The following CERT1 variants were observed in gnomAD, a reference collection of about 807,000 sequenced individuals.
The protein encoded by CERT1 is ceramide transfer protein.
A neutral mutation model predicts 87.9 loss-of-function variants in CERT1; 31 were observed. The observed-to-expected ratio is 0.35, with a 90% CI of 0.27 to 0.48. The LOEUF (loss-of-function observed/expected upper bound fraction) is 0.48. CERT1 is among the 20% of genes least tolerant of loss of function. The probability of loss-of-function intolerance (pLI) is 0.99; values close to 1 mark genes in which losing one functional copy is unlikely to be tolerated. For synonymous variants in CERT1, 289 were observed against 250.9 expected (o/e 1.15, Z -1.44); for missense variants, 487 against 758.0 (o/e 0.64, Z 4.20).
chr5:75,454,835 A>G (rs1764910965), intron 3 of CERT1, among the ~76,000 whole-genome samples: 1 of 152,186 alleles, frequency 6.6e-6, no homozygotes, highest in Non-Finnish European at 1.5e-5. Flanking sequence ...TAAAAATCGC[A>G]AGTTTTGAAG....
Position 75,470,094 on chromosome 5 carries a change from C to CA in CERT1, c.232-10914dup, listed in dbSNP as rs886538208. On this transcript the variant is annotated intron_variant, in intron 2 of 16. Transcript: ENST00000643780. ...AACAGATCTGGAGAGAAAGACTACACACAATAATAGTAGGGAAATTCAACA... is the reference window on the plus strand; with the variant it reads ...AACAGATCTGGAGAGAAAGACTACACAACAATAATAGTAGGGAAATTCAACA... 6.8e-4 allele frequency among the ~76,000 whole-genome samples: 103 copies of CA among 152,190 alleles called. 1 individual carries two copies. Among genetic ancestry groups the CA allele is most frequent in the African/African-American group, 2.4e-3 (100 of 41,542 alleles).
At position 75,407,102 on chromosome 5, in the gene CERT1, T is replaced by A. The variant is rs550146811; in HGVS notation, c.930+3909A>T. ...CCCAGTTTATCTAAAGAATTGTATATTTAATTTAACTTAGTGAGAAAAAAA... is the reference window on the plus strand; with the variant it reads ...CCCAGTTTATCTAAAGAATTGTATAATTAATTTAACTTAGTGAGAAAAAAA... On this transcript the variant is annotated intron_variant, in intron 8 of 16. Transcript: ENST00000643780. Among the ~76,000 whole-genome samples, 100 of 152,288 alleles carry A rather than the reference T, an allele frequency of 6.6e-4. 1 individual carries two copies. The highest frequency in any genetic ancestry group is 2.3e-3 in the African/African-American group (97 of 41,562).
chr5:75,479,891 A>G (rs1177044371), intron 2 of CERT1, among the ~76,000 whole-genome samples: 1 of 152,150 alleles, frequency 6.6e-6, no homozygotes, highest in Non-Finnish European at 1.5e-5. Flanking sequence ...TGGTTGAACT[A>G]ATTTATGCTC....
At chr5:75,447,582 C>G (rs947385905) in intron 3 of CERT1, among the ~76,000 whole-genome samples, 1 of 151,582 alleles carries the variant, frequency 6.6e-6, no homozygotes, top group East Asian at 1.9e-4. Context: ...GCCATTCTCC[C>G]GCCTCAGCCT....
At chr5:75,383,812 C>T (rs1446456093) in intron 14 of CERT1, among the ~76,000 whole-genome samples, 1 of 152,108 alleles carries the variant, frequency 6.6e-6, no homozygotes, top group Admixed American at 6.5e-5. Context: ...TGGTGGATCT[C>T]TCCAAAATTT....
At chr5:75,450,514 TATAGAGA>T (rs1196541081) in intron 3 of CERT1, among the ~76,000 whole-genome samples, 1 of 152,196 alleles carries the variant, frequency 6.6e-6, no homozygotes, top group Non-Finnish European at 1.5e-5. Flanking sequence ...ACTTACTTCC[TATAGAGA>T]ATAGAGAACC....
At chr5:75,457,685 A>G (rs1765044037) in intron 3 of CERT1, among the ~76,000 whole-genome samples, 2 of 152,002 alleles carry the variant, frequency 1.3e-5, no homozygotes, top group African/African-American at 4.8e-5. Context: ...ACCAAGAAAG[A>G]AAAGCTAATA....
chr5:75,381,871 G>T, intron 15 of CERT1, 78 bp downstream of exon 15: 1 of 1,295,426 alleles, frequency 7.7e-7, no homozygotes, highest in Non-Finnish European at 1.1e-6. Flanking sequence ...TGTATGGGCT[G>T]TGTTTATCAT....
intron 1 of CERT1, among the ~76,000 whole-genome samples, chr5:75,506,862 C>T (rs935310882): frequency 3.9e-5 from 6 of 152,226 alleles, no homozygotes; most frequent in African/African-American, 1.2e-4. Flanking sequence ...TTGCTAAAGT[C>T]TTGCTGCAAA....
chr5:75,511,656 T>A, upstream of CERT1: 1 of 1,479,322 alleles, frequency 6.8e-7, no homozygotes, highest in African/African-American at 1.4e-5. Context: ...TCCTTTCCCC[T>A]CCCCTTCGTC....
At chr5:75,498,574 C>T (rs887089593) in intron 2 of CERT1, among the ~76,000 whole-genome samples, 1 of 152,218 alleles carries the variant, frequency 6.6e-6, no homozygotes, top group African/African-American at 2.4e-5. Flanking sequence ...GTGTCAGCCC[C>T]AAGCCTTGGC....
chr5:75,484,332 A>G (rs966764144), intron 2 of CERT1, among the ~76,000 whole-genome samples: 3 of 151,886 alleles, frequency 2.0e-5, no homozygotes, highest in Admixed American at 6.6e-5. Context: ...AAAGAAAGAA[A>G]AAAAAGAAGA....
At chr5:75,427,486 C>T (rs1763668555) in intron 3 of CERT1, among the ~76,000 whole-genome samples, 2 of 152,136 alleles carry the variant, frequency 1.3e-5, no homozygotes, top group South Asian at 4.1e-4. Context: ...GTAATCCCGG[C>T]TACTCAGAAG....
intron 3 of CERT1, among the ~76,000 whole-genome samples, chr5:75,428,360 G>A (rs78407358): frequency 0.079 from 12,071 of 152,060 alleles, 582 homozygotes; most frequent in South Asian, 0.17. Flanking sequence ...AAAGAAAAGA[G>A]GAGACTCTGA....
intron 9 of CERT1, chr5:75,401,568 C>T: frequency 6.6e-6 from 1 of 152,236 alleles, no homozygotes; most frequent in Middle Eastern, 3.4e-3. Context: ...TCAGGTAGTA[C>T]TTTAGGTTTC....
chr5:75,477,390 T>C (rs1766003525), intron 2 of CERT1, among the ~76,000 whole-genome samples: 1 of 151,666 alleles, frequency 6.6e-6, no homozygotes, highest in South Asian at 2.1e-4. Flanking sequence ...TAAGATAAAA[T>C]ACGGTAAAAT....
intron 5 of CERT1, 53 bp downstream of exon 5, chr5:75,425,308 G>A: frequency 6.5e-7 from 1 of 1,537,110 alleles, no homozygotes; most frequent in Non-Finnish European, 8.9e-7. Context: ...AGATCAAGAG[G>A]CTTTTAATCC....
intron 11 of CERT1, among the ~76,000 whole-genome samples, chr5:75,394,003 A>G (rs1273752588): frequency 6.6e-6 from 1 of 152,084 alleles, no homozygotes; most frequent in African/African-American, 2.4e-5. Context: ...CAAAGCCACA[A>G]AACCATAGAG....
chr5:75,487,711 A>G (rs1294995122), intron 2 of CERT1, among the ~76,000 whole-genome samples: 3 of 152,082 alleles, frequency 2.0e-5, no homozygotes, highest in Non-Finnish European at 4.4e-5. Flanking sequence ...GGGCAAGCAC[A>G]TATGAGAAAA....
Sources: allele counts gnomAD v4.1 joint callset (sites outside exome capture counted in the v4.1 genomes callset), GRCh38; gene constraint gnomAD v4.1.1; transcripts MANE v1.5; gene names NCBI Gene and HGNC (gene_info 2026-07-23, HGNC 2026-07-21).